ARHGAP18: variants seen among roughly 807,000 people sequenced by gnomAD.
The protein encoded by ARHGAP18 is Rho GTPase activating protein 18, also known as rho GTPase-activating protein 18.
A neutral mutation model predicts 86.2 loss-of-function variants in ARHGAP18; 67 were observed. The observed-to-expected ratio is 0.78, with a 90% CI of 0.64 to 0.95. The LOEUF is 0.95. ARHGAP18 is among the 40% of genes least tolerant of loss of function. The pLI is 0.00. For synonymous variants in ARHGAP18, 283 were observed against 280.4 expected (o/e 1.01, Z -0.09); for missense variants, 691 against 780.4 (o/e 0.89, Z 1.37).
In ARHGAP18 at chr6:129,608,063, C is replaced by CAAA; in HGVS notation, c.1123-12_1123-11insTTT. ...TTCTTGGCAAAGATTCTGATAGGCA[C>CAAA]GAAAAAAAAAAAAAAAAAAAAAAGA... On this transcript the variant is annotated splice_polypyrimidine_tract_variant and intron_variant, in intron 8 of 14. Transcript: ENST00000368149. 33 of 643,566 alleles carry CAAA rather than the reference C, an allele frequency of 5.1e-5. No homozygotes were observed. The highest frequency in any genetic ancestry group is 4.7e-4 in the Middle Eastern group (1 of 2,134). 39.9% of individuals were successfully genotyped at this position (643,566 alleles called of 1,614,324 possible).
At chr6:129,694,936 T>G (rs560428696) in intron 1 of ARHGAP18, among the ~76,000 whole-genome samples, 45 of 152,318 alleles carry the variant, frequency 3.0e-4, no homozygotes, top group African/African-American at 1.1e-3. Flanking sequence ...TCAATATCTG[T>G]AAAGCATATG....
At chr6:129,694,726 T>C (rs766643792) in intron 1 of ARHGAP18, among the ~76,000 whole-genome samples, 1 of 152,256 alleles carries the variant, frequency 6.6e-6, no homozygotes, top group Non-Finnish European at 1.5e-5. Context: ...GTTTTCAACA[T>C]GTCACTTGAG....
At chr6:129,622,873 T>C (rs1584056318) in intron 5 of ARHGAP18, among the ~76,000 whole-genome samples, 1 of 151,678 alleles carries the variant, frequency 6.6e-6, no homozygotes. Flanking sequence ...TGGTGGCAGG[T>C]GCCTGTAATC....
At chr6:129,582,383 T>C (rs1342887212) in intron 13 of ARHGAP18, among the ~76,000 whole-genome samples, 1 of 152,126 alleles carries the variant, frequency 6.6e-6, no homozygotes, top group Non-Finnish European at 1.5e-5. Flanking sequence ...ACAGACTAAA[T>C]TGAGCACTTG....
chr6:129,707,937 G>A (rs1400647026), intron 1 of ARHGAP18, among the ~76,000 whole-genome samples: 3 of 152,020 alleles, frequency 2.0e-5, no homozygotes, highest in Non-Finnish European at 4.4e-5. Context: ...CCCAGCCAAA[G>A]CCAAAGCCAA....
chr6:129,689,363 G>A (rs781115770), intron 1 of ARHGAP18, among the ~76,000 whole-genome samples: 5 of 152,052 alleles, frequency 3.3e-5, no homozygotes, highest in Non-Finnish European at 5.9e-5. Flanking sequence ...GCGTGATCTC[G>A]GCTCACTGCA....
chr6:129,601,552 AAAGAG>A (rs1225758456), intron 10 of ARHGAP18, among the ~76,000 whole-genome samples: 5 of 152,090 alleles, frequency 3.3e-5, no homozygotes, highest in African/African-American at 1.2e-4. Context: ...AGAGAAAAGA[AAAGAG>A]AAAAGAAAAG....
intron 1 of ARHGAP18, among the ~76,000 whole-genome samples, chr6:129,681,489 C>T (rs1774323898): frequency 6.6e-6 from 1 of 152,072 alleles, no homozygotes; most frequent in African/African-American, 2.4e-5. Flanking sequence ...GTATATAAGC[C>T]CCATCTACTT....
intron 1 of ARHGAP18, among the ~76,000 whole-genome samples, chr6:129,671,885 T>C (rs577206770): frequency 4.6e-5 from 7 of 152,214 alleles, no homozygotes; most frequent in Non-Finnish European, 1.0e-4. Flanking sequence ...CTGCAAATGA[T>C]GGGACAACAT....
chr6:129,705,301 T>A (rs1774785505), intron 1 of ARHGAP18, among the ~76,000 whole-genome samples: 1 of 152,194 alleles, frequency 6.6e-6, no homozygotes, highest in African/African-American at 2.4e-5. Flanking sequence ...TCCTCTTCCA[T>A]TTGGCATGCT....
intron 5 of ARHGAP18, among the ~76,000 whole-genome samples, chr6:129,625,900 ATT>A (rs1387304310): frequency 4.1e-5 from 3 of 73,934 alleles, no homozygotes; most frequent in African/African-American, 1.5e-4. Context: ...TATATTATAT[ATT>A]TATATATTAT....
intron 8 of ARHGAP18, among the ~76,000 whole-genome samples, chr6:129,608,370 TG>T (rs1385151403): frequency 6.6e-6 from 1 of 152,120 alleles, no homozygotes; most frequent in African/African-American, 2.4e-5. Flanking sequence ...TTGTTCCATT[TG>T]GGGGCTTCAT....
intron 5 of ARHGAP18, among the ~76,000 whole-genome samples, chr6:129,625,711 ATATT>A (rs1789419189): frequency 1.4e-5 from 1 of 70,090 alleles, no homozygotes; most frequent in East Asian, 4.5e-4. Context: ...TATATATTAT[ATATT>A]TATATATTAT....
At chr6:129,646,724 C>A (rs1013508382) in intron 1 of ARHGAP18, among the ~76,000 whole-genome samples, 1 of 152,154 alleles carries the variant, frequency 6.6e-6, no homozygotes. Context: ...TCTGCTTCTG[C>A]GTTCAATCTT....
chr6:129,623,787 A>C (rs1231086211), intron 5 of ARHGAP18, among the ~76,000 whole-genome samples: 1 of 152,194 alleles, frequency 6.6e-6, no homozygotes. Flanking sequence ...TATTTGCATA[A>C]AAAAATACAT....
intron 1 of ARHGAP18, among the ~76,000 whole-genome samples, chr6:129,689,212 A>C (rs1774484183): frequency 6.6e-6 from 1 of 152,198 alleles, no homozygotes; most frequent in African/African-American, 2.4e-5. Context: ...GAGAAACCTG[A>C]CAGCTGAGAA....
chr6:129,648,109 CA>C (rs1458208565), intron 1 of ARHGAP18, among the ~76,000 whole-genome samples: 2 of 152,052 alleles, frequency 1.3e-5, no homozygotes, highest in African/African-American at 4.8e-5. Context: ...ATTTAAAAAT[CA>C]AACCATATTT....
intron 1 of ARHGAP18, among the ~76,000 whole-genome samples, chr6:129,650,775 G>A (rs537579686): frequency 4.6e-4 from 70 of 152,292 alleles, no homozygotes; most frequent in Non-Finnish European, 8.8e-4. Flanking sequence ...CTGCCCAGCT[G>A]TAGAGCCACC....
chr6:129,597,567 A>T (rs562932215), intron 12 of ARHGAP18, among the ~76,000 whole-genome samples: 1 of 152,212 alleles, frequency 6.6e-6, no homozygotes, highest in South Asian at 2.1e-4. Flanking sequence ...GGCTTCAATC[A>T]CATACCTCTG....
Sources: gnomAD v4.1 joint callset for allele counts (sites outside exome capture counted in the v4.1 genomes callset) on GRCh38, gnomAD v4.1.1 for gene constraint, MANE v1.5 for transcripts, NCBI Gene and HGNC (gene_info 2026-07-23, HGNC 2026-07-21) for gene names.